FHIT: variants seen among roughly 807,000 people sequenced by gnomAD.
FHIT encodes the protein bis(5'-adenosyl)-triphosphatase.
Under a neutral mutation model 17.9 loss-of-function variants are expected in FHIT, and 19 were observed. That is an observed-to-expected ratio of 1.06 (90% confidence interval 0.74 to 1.56). FHIT has a LOEUF of 1.56. Ranked by LOEUF, FHIT falls within the 40% of genes most tolerant of loss-of-function variation. The pLI is 0.00. For missense variants in FHIT, 248 were observed against 189.2 expected (o/e 1.31, Z -1.82); for synonymous variants, 81 against 69.7 (o/e 1.16, Z -0.81).
chr3:60,371,923 C>T (rs1340054791), intron 5 of FHIT, among the ~76,000 whole-genome samples: 2 of 148,304 alleles, frequency 1.3e-5, no homozygotes, highest in African/African-American at 2.5e-5. Flanking sequence ...CATTACAATT[C>T]TAATTTATTT....
intron 3 of FHIT, among the ~76,000 whole-genome samples, chr3:60,918,966 T>A (rs1216189282): frequency 6.6e-6 from 1 of 152,220 alleles, no homozygotes; most frequent in Non-Finnish European, 1.5e-5. Context: ...ATAATTTTAT[T>A]CATATGTAAA....
At chr3:60,118,776 G>A (rs1576139947) in intron 5 of FHIT, among the ~76,000 whole-genome samples, 1 of 18,222 alleles carries the variant, frequency 5.5e-5, no homozygotes, top group East Asian at 1.3e-3. Flanking sequence ...GGGGGCGGCG[G>A]GGGGGGGGGG....
At chr3:60,230,988 G>A (rs994076382) in intron 5 of FHIT, among the ~76,000 whole-genome samples, 1 of 152,150 alleles carries the variant, frequency 6.6e-6, no homozygotes, top group Non-Finnish European at 1.5e-5. Context: ...TTACAGGCGT[G>A]AGCCACCACT....
intron 7 of FHIT, among the ~76,000 whole-genome samples, chr3:60,001,523 T>C (rs1455929782): frequency 6.6e-6 from 1 of 152,112 alleles, no homozygotes; most frequent in Non-Finnish European, 1.5e-5. Context: ...AACAGACTAC[T>C]TTGGTAGTGA....
At chr3:60,703,043 T>C (rs2041285351) in intron 4 of FHIT, among the ~76,000 whole-genome samples, 1 of 152,172 alleles carries the variant, frequency 6.6e-6, no homozygotes, top group African/African-American at 2.4e-5. Flanking sequence ...CAGATGTAAT[T>C]TGTTAGATTA....
chr3:60,992,344 C>A (rs961913151), intron 3 of FHIT, among the ~76,000 whole-genome samples: 1 of 152,208 alleles, frequency 6.6e-6, no homozygotes, highest in East Asian at 1.9e-4. Flanking sequence ...ATCATCAAAC[C>A]ATATACTTAA....
intron 8 of FHIT, among the ~76,000 whole-genome samples, chr3:59,789,856 A>T (rs557964410): frequency 1.3e-5 from 2 of 152,314 alleles, no homozygotes; most frequent in East Asian, 1.9e-4. Context: ...GGGAAAGTGA[A>T]CCCATTAAAA....
intron 5 of FHIT, among the ~76,000 whole-genome samples, chr3:60,103,820 T>C (rs1576106690): frequency 6.6e-6 from 1 of 152,218 alleles, no homozygotes; most frequent in African/African-American, 2.4e-5. Context: ...TTCAGGAATA[T>C]GTTTTCCTTT....
At chr3:60,575,880 C>T (rs1432644051) in intron 4 of FHIT, among the ~76,000 whole-genome samples, 1 of 152,130 alleles carries the variant, frequency 6.6e-6, no homozygotes, top group Non-Finnish European at 1.5e-5. Flanking sequence ...ACCACAACTG[C>T]TGAAAGGACA....
At chr3:59,851,766 C>A (rs1701947489) in intron 8 of FHIT, among the ~76,000 whole-genome samples, 1 of 152,156 alleles carries the variant, frequency 6.6e-6, no homozygotes, top group Admixed American at 6.6e-5. Flanking sequence ...ATGCTACATG[C>A]ATTATTATGT....
intron 5 of FHIT, among the ~76,000 whole-genome samples, chr3:60,059,781 C>T (rs187391837): frequency 5.1e-4 from 77 of 152,278 alleles, no homozygotes; most frequent in African/African-American, 1.8e-3. Context: ...GAGCTCCCCC[C>T]ATTCTTGTTG....
intron 5 of FHIT, among the ~76,000 whole-genome samples, chr3:60,039,822 C>T (rs1455993639): frequency 6.6e-6 from 1 of 152,142 alleles, no homozygotes; most frequent in Non-Finnish European, 1.5e-5. Context: ...GCTGTCATTT[C>T]TGAGCCATCT....
chr3:60,229,575 T>C (rs113709922), intron 5 of FHIT, among the ~76,000 whole-genome samples: 14,415 of 152,246 alleles, frequency 0.095, 935 homozygotes, highest in Non-Finnish European at 0.14. Context: ...ATTTTTACCA[T>C]ATAATTCAGA....
intron 5 of FHIT, among the ~76,000 whole-genome samples, chr3:60,375,558 C>G (rs940910131): frequency 1.3e-5 from 2 of 151,934 alleles, no homozygotes; most frequent in African/African-American, 4.8e-5. Context: ...CTGGGTGACA[C>G]GGTGAGTGAG....
At chr3:60,142,424 TG>T (rs1215895694) in intron 5 of FHIT, among the ~76,000 whole-genome samples, 19 of 152,300 alleles carry the variant, frequency 1.2e-4, no homozygotes, top group Non-Finnish European at 1.3e-4. Flanking sequence ...GGTAGTAAAT[TG>T]TTGCTTAAAA....
chr3:60,483,866 T>C (rs937294350), intron 5 of FHIT, among the ~76,000 whole-genome samples: 1 of 152,186 alleles, frequency 6.6e-6, no homozygotes, highest in Non-Finnish European at 1.5e-5. Context: ...AGTATTCGCA[T>C]AGGAAGAGAG....
At chr3:60,821,067 C>A (rs941696873) in intron 4 of FHIT, among the ~76,000 whole-genome samples, 4 of 151,932 alleles carry the variant, frequency 2.6e-5, no homozygotes, top group African/African-American at 9.7e-5. Context: ...CCTCCACCTC[C>A]CAGGTTCAAG....
At chr3:60,392,866 T>A (rs1028659212) in intron 5 of FHIT, among the ~76,000 whole-genome samples, 3 of 152,120 alleles carry the variant, frequency 2.0e-5, no homozygotes, top group African/African-American at 7.2e-5. Context: ...TCAAGACATT[T>A]TGCTTGTTGA....
chr3:60,268,126 G>A (rs1161082052), intron 5 of FHIT, among the ~76,000 whole-genome samples: 1 of 152,078 alleles, frequency 6.6e-6, no homozygotes, highest in East Asian at 1.9e-4. Flanking sequence ...GGCAAACAAG[G>A]TAACTACAAA....
Sources: gnomAD v4.1 joint callset for allele counts (sites outside exome capture counted in the v4.1 genomes callset) on GRCh38, gnomAD v4.1.1 for gene constraint, MANE v1.5 for transcripts, NCBI Gene and HGNC (gene_info 2026-07-23, HGNC 2026-07-21) for gene names.